Variants in SLC17A6 observed in about 807,000 individuals in gnomAD.
The protein encoded by SLC17A6 is vesicular glutamate transporter 2.
Under a neutral mutation model 67.1 loss-of-function variants are expected in SLC17A6, and 35 were observed. The observed-to-expected ratio is 0.52, with a 90% CI of 0.40 to 0.69. The LOEUF is 0.69. Ranked by LOEUF, SLC17A6 falls within the 30% of genes least tolerant of loss-of-function variation. The pLI is 0.00. For synonymous variants in SLC17A6, 285 were observed against 252.3 expected, an observed-to-expected ratio of 1.13 and a Z score of -1.23; for missense variants, 588 against 723.9, an observed-to-expected ratio of 0.81 and a Z score of 2.15.
At chr11:22,345,664 A>C (rs184936362) in intron 3 of SLC17A6, among the ~76,000 whole-genome samples, 33 of 152,320 alleles carry the variant, frequency 2.2e-4, no homozygotes, top group African/African-American at 6.5e-4. Context: ...AAAATTATAG[A>C]GATCAACTAC....
Position 22,377,777 on chromosome 11 carries a change from A to C in SLC17A6, c.*37A>C, listed in dbSNP as rs747499094. 4 of 1,476,922 alleles carry C rather than the reference A, an allele frequency of 2.7e-6. No individual in the cohort carries two copies. In the East Asian group the frequency reaches 9.4e-5, roughly 35 times the overall value. The allele number at this position is 1,476,922 out of a possible 1,614,324, so 91.5% of individuals were successfully genotyped here. ...ACTGGATTTATTTTTAGTGTTTGTGATTAAATTCATTGTGATTGCACAAAA... is the reference window on the plus strand; with the variant it reads ...ACTGGATTTATTTTTAGTGTTTGTGCTTAAATTCATTGTGATTGCACAAAA... On this transcript the variant is annotated 3_prime_UTR_variant, in exon 12 of 12. Transcript: ENST00000263160.
chr11:22,338,688 A>C, intron 1 of SLC17A6, 69 bp downstream of exon 1: 1 of 1,118,398 alleles, frequency 8.9e-7, no homozygotes, highest in Non-Finnish European at 1.4e-6. Flanking sequence ...GTTTCCGTAA[A>C]CCCTGGTGGC....
chr11:22,375,222 A>G (rs777689861), intron 9 of SLC17A6, among the ~76,000 whole-genome samples: 2 of 151,646 alleles, frequency 1.3e-5, no homozygotes, highest in Non-Finnish European at 2.9e-5. Flanking sequence ...AACACAAAAA[A>G]TTAGCTGGGC....
In SLC17A6 at chr11:22,365,414, C is replaced by T. The variant is rs568072846; in HGVS notation, c.749-133C>T. The T allele has an allele frequency of 1.5e-5, 16 of 1,038,182 alleles. No homozygotes were observed. The East Asian group carries it at 1.7e-4, about 11-fold the overall frequency. 64.3% of individuals were successfully genotyped at this position (1,038,182 alleles called of 1,614,324 possible). On this transcript the variant is annotated intron_variant, in intron 6 of 11. Coordinates refer to ENST00000263160, the MANE Select transcript of SLC17A6 (RefSeq NM_020346.3). ...GCAAAAGAGAAGAAAAGATGGCTAA[C>T]GTCAGTTGGAGAAACATAAGCTTGA...
chr11:22,362,723 C>A lies in SLC17A6; in HGVS notation c.662-16C>A. 1 of 1,606,274 alleles carries A rather than the reference C, an allele frequency of 6.2e-7. No homozygotes were observed. The highest frequency in any genetic ancestry group is 8.5e-7 in the Non-Finnish European group (1 of 1,173,040). On this transcript the variant is annotated splice_polypyrimidine_tract_variant and intron_variant, in intron 5 of 11. Transcript: ENST00000263160. ...TGATTTCACTCACCTTTCTCCCATTCTTCCTTACACTTTAGGTTCCTATGC... is the reference window on the plus strand; with the variant it reads ...TGATTTCACTCACCTTTCTCCCATTATTCCTTACACTTTAGGTTCCTATGC...
chr11:22,358,656 T>A (rs921955973), intron 3 of SLC17A6, among the ~76,000 whole-genome samples: 2 of 152,162 alleles, frequency 1.3e-5, no homozygotes, highest in Non-Finnish European at 2.9e-5. Flanking sequence ...TTTCTTTTTT[T>A]AACGAAGGAA....
chr11:22,357,455 C>T (rs1856003822), intron 3 of SLC17A6, among the ~76,000 whole-genome samples: 1 of 152,100 alleles, frequency 6.6e-6, no homozygotes, highest in Non-Finnish European at 1.5e-5. Context: ...GTTGCCATAA[C>T]TTAGAGGAGG....
rs201105080 is a variant in SLC17A6 at position 22,343,381 on chromosome 11, G to C, written c.458+16G>C. On this transcript the variant is annotated intron_variant, in intron 3 of 11. Transcript: ENST00000263160. ...CAGCCAACAGGTAATGCGCCAGGCG[G>C]GACTGGGGCTCGGGGCGTGGTGTTT... The C allele has an allele frequency of 3.1e-6, 5 of 1,587,364 alleles. No individual in the cohort carries two copies. The highest frequency in any genetic ancestry group is 4.3e-6 in the Non-Finnish European group (5 of 1,164,494).
chr11:22,357,463 A>C (rs1477387840), intron 3 of SLC17A6, among the ~76,000 whole-genome samples: 1 of 152,170 alleles, frequency 6.6e-6, no homozygotes, highest in Non-Finnish European at 1.5e-5. Context: ...AACTTAGAGG[A>C]GGGGTGTGTG....
chr11:22,343,136 T>C (rs1424587705), intron 2 of SLC17A6, 111 bp from the exon 3 acceptor site: 4 of 859,654 alleles, frequency 4.7e-6, no homozygotes, highest in Non-Finnish European at 7.7e-6. Flanking sequence ...ATCCCCAGAA[T>C]GCATGAAGCG....
chr11:22,371,606 G>T (rs184016726), intron 8 of SLC17A6, among the ~76,000 whole-genome samples: 1 of 151,854 alleles, frequency 6.6e-6, no homozygotes, highest in Non-Finnish European at 1.5e-5. Flanking sequence ...GCCAGTTCTC[G>T]GGGGCAGAGT....
intron 11 of SLC17A6, 64 bp from the exon 12 acceptor site, chr11:22,377,340 AG>A: frequency 7.1e-7 from 1 of 1,408,066 alleles, no homozygotes; most frequent in Non-Finnish European, 9.7e-7. Context: ...GTGCATTCAG[AG>A]AAGATGTTAG....
chr11:22,350,791 T>C (rs1855929157), intron 3 of SLC17A6, among the ~76,000 whole-genome samples: 1 of 152,198 alleles, frequency 6.6e-6, no homozygotes, highest in African/African-American at 2.4e-5. Flanking sequence ...AATACCAGAC[T>C]GCTTGAGATT....
chr11:22,338,812 GGTGTGTGTGTGTGTGTGTGTGT>G (rs3047441), intron 1 of SLC17A6, among the ~76,000 whole-genome samples, 193 bp downstream of exon 1: 2 of 136,334 alleles, frequency 1.5e-5, no homozygotes, highest in East Asian at 4.3e-4. Flanking sequence ...GAACCTGTCT[GGTGTGTGTGTGTGTGTGTGTGT>G]GTGTGTGTGT....
chr11:22,372,015 T>C (rs1856180342), intron 8 of SLC17A6, among the ~76,000 whole-genome samples: 1 of 152,032 alleles, frequency 6.6e-6, no homozygotes, highest in South Asian at 2.1e-4. Flanking sequence ...CTCTAAATAA[T>C]GGTATTAACT....
intron 5 of SLC17A6, chr11:22,361,203 C>A: frequency 4.4e-6 from 2 of 452,804 alleles, no homozygotes; most frequent in Non-Finnish European, 7.9e-6. Context: ...AGGAATTGAT[C>A]CATTTCATCT....
rs1402861647 is a variant in SLC17A6 at position 22,341,521 on chromosome 11, C to A, written c.87-7C>A. On this transcript the variant is annotated splice_polypyrimidine_tract_variant and splice_region_variant and intron_variant, in intron 1 of 11. Coordinates refer to ENST00000263160, the MANE Select transcript of SLC17A6 (RefSeq NM_020346.3). ...AGTCCTTGACTCGCCCCTGCTCTGC[C>A]GCGCAGGGTGCTGGAGAAGAAGCAA... 6.2e-7 allele frequency: 1 copy of A among 1,612,124 alleles called. No individual in the cohort carries two copies. Among genetic ancestry groups the A allele is most frequent in the African/African-American group, 1.3e-5 (1 of 74,900 alleles).
chr11:22,360,772 C>T, intron 4 of SLC17A6, 125 bp from the exon 5 acceptor site: 2 of 716,008 alleles, frequency 2.8e-6, no homozygotes, highest in East Asian at 2.7e-5. Flanking sequence ...TTTCTTTTAC[C>T]TTAATCAGAA....
rs1855920897 is a variant in SLC17A6 at position 22,349,986 on chromosome 11, AT to A, written c.458+6624del. Among the ~76,000 whole-genome samples the A allele has an allele frequency of 6.6e-5, 10 of 152,254 alleles. No individual in the cohort carries two copies. The South Asian group carries it at 2.1e-3, about 32-fold the overall frequency. The stretch of plus-strand genomic sequence containing the variant: ...TGCCCAAATGGAAGTGGATTGATTG[AT>A]TTAGGGAAAATGAACATCATCTGTA... On this transcript the variant is annotated intron_variant, in intron 3 of 11. Coordinates refer to ENST00000263160, the MANE Select transcript of SLC17A6 (RefSeq NM_020346.3).
Sources: allele counts gnomAD v4.1 joint callset (sites outside exome capture counted in the v4.1 genomes callset), GRCh38; gene constraint gnomAD v4.1.1; transcripts MANE v1.5; gene names NCBI Gene and HGNC (gene_info 2026-07-23, HGNC 2026-07-21).